The following TSPEAR variants were observed in gnomAD, a reference collection of about 807,000 sequenced individuals.
TSPEAR encodes thrombospondin-type laminin G domain and EAR repeat-containing protein.
In TSPEAR, 69 loss-of-function variants were observed where a neutral mutation model predicts 71.6. The observed-to-expected ratio is 0.96, with a 90% CI of 0.79 to 1.18. The LOEUF (loss-of-function observed/expected upper bound fraction) is 1.18, where lower values mean the gene tolerates loss of function less well. TSPEAR is among the 50% of genes most tolerant of loss of function. TSPEAR has a pLI of 0.00. For synonymous variants in TSPEAR, 402 were observed against 387.2 expected (o/e 1.04, Z -0.45); for missense variants, 971 against 894.9 (o/e 1.09, Z -1.09).
At chr21:44,582,042 G>T (rs980061761) in intron 1 of TSPEAR, among the ~76,000 whole-genome samples, 12 of 152,282 alleles carry the variant, frequency 7.9e-5, no homozygotes, top group Non-Finnish European at 1.6e-4. Context: ...TATTAGTAGA[G>T]GTTGTGCGAG....
intron 1 of TSPEAR, chr21:44,697,943 C>T: frequency 6.2e-7 from 1 of 1,609,006 alleles, no homozygotes; most frequent in East Asian, 2.2e-5. Context: ...CTGCTGAGGC[C>T]TCTGCTCAGG....
At chr21:44,688,501 A>C (rs879981713) in intron 1 of TSPEAR, among the ~76,000 whole-genome samples, 2 of 152,162 alleles carry the variant, frequency 1.3e-5, no homozygotes, top group Non-Finnish European at 2.9e-5. Flanking sequence ...AGGGCAGATC[A>C]TGAGGTCAGG....
chr21:44,593,778 G>T lies in TSPEAR; in HGVS notation c.83-25773C>A, dbSNP rs9983422. ...CTGAGAGGACGGACTCTGCTCTCAC[G>T]CCACAGCTGCTGTTTTTCTACAGTG... is the stretch of plus-strand genomic sequence containing the variant. On this transcript the variant is annotated intron_variant, in intron 1 of 11. Coordinates refer to ENST00000323084, the MANE Select transcript of TSPEAR (RefSeq NM_144991.3). The surrounding 1 kb of genome is among the most constrained non-coding windows in gnomAD (Gnocchi z 5.9). Among the ~76,000 whole-genome samples, 2 of 152,146 alleles carry T rather than the reference G, an allele frequency of 1.3e-5. No individual in the cohort carries two copies. The highest frequency in any genetic ancestry group is 2.9e-5 in the Non-Finnish European group (2 of 68,030).
At chr21:44,689,740 T>TATATATATATATATATA (rs1555949490) in intron 1 of TSPEAR, among the ~76,000 whole-genome samples, 134 of 125,018 alleles carry the variant, frequency 1.1e-3, no homozygotes, top group Middle Eastern at 4.0e-3. Context: ...TATATATATA[T>TATATATATATATATATA]TTTGGGGGGG....
chr21:44,499,716 CAGTT>C lies in TSPEAR; in HGVS notation c.*63_*66del. The C allele has an allele frequency of 1.4e-6, 2 of 1,465,224 alleles. No individual in the cohort carries two copies. The highest frequency in any genetic ancestry group is 2.7e-5 in the South Asian group (2 of 74,660). The allele number at this position is 1,465,224 out of a possible 1,614,324, so 90.8% of individuals were successfully genotyped here. Reference sequence around the variant, plus strand: ...CTGGGCCCACCTGGACGTCCAGGGTCAGTTGGGGGAGGTGCTGGGGTCCCGCCCC... The same window carrying C: ...CTGGGCCCACCTGGACGTCCAGGGTCGGGGGAGGTGCTGGGGTCCCGCCCC... On this transcript the variant is annotated 3_prime_UTR_variant, in exon 12 of 12. Transcript: ENST00000323084.
At position 44,527,382 on chromosome 21, in the gene TSPEAR, G is replaced by A. The variant is rs1285382916; in HGVS notation, c.1059C>T (p.Val353=). ...CGAACTTCTCTTCGGTCCACTTGTAGACGGCGGATGTGGCTTTGCGATTGG... is the reference window on the plus strand; with the variant it reads ...CGAACTTCTCTTCGGTCCACTTGTAAACGGCGGATGTGGCTTTGCGATTGG... ...ATANRKATSA[V]YKWTEEKFVS... Residue 353 remains valine (V), a synonymous_variant, in exon 7 of 12, where the codon GTC becomes GTT. Coordinates refer to ENST00000323084, the MANE Select transcript of TSPEAR (RefSeq NM_144991.3). 5.6e-6 allele frequency: 9 copies of A among 1,614,240 alleles called. No individual in the cohort carries two copies. The highest frequency in any genetic ancestry group is 3.3e-5 in the Admixed American group (2 of 60,036).
intron 2 of TSPEAR, among the ~76,000 whole-genome samples, chr21:44,561,615 C>G (rs903275786): frequency 6.6e-6 from 1 of 152,288 alleles, no homozygotes; most frequent in East Asian, 1.9e-4. Flanking sequence ...AGCAGCATAT[C>G]GAAAAGCTTA....
intron 5 of TSPEAR, 136 bp downstream of exon 5, chr21:44,529,662 G>T (rs1368378977): frequency 1.3e-5 from 13 of 979,484 alleles, no homozygotes; most frequent in Non-Finnish European, 1.8e-5. Flanking sequence ...CAATATGACC[G>T]CTGCCCCCCG....
intron 2 of TSPEAR, chr21:44,551,598 ACT>A: frequency 8.2e-7 from 1 of 1,220,792 alleles, no homozygotes; most frequent in Non-Finnish European, 1.1e-6. Context: ...CCAGCAGGAG[ACT>A]CAGCAACGCC....
chr21:44,506,039 C>T lies in TSPEAR; in HGVS notation c.1755-1158G>A, dbSNP rs922411518. Among the ~76,000 whole-genome samples the T allele has an allele frequency of 7.2e-5, 11 of 152,234 alleles. No homozygotes were observed. The highest frequency in any genetic ancestry group is 2.1e-4 in the South Asian group (1 of 4,832). The stretch of plus-strand genomic sequence containing the variant: ...GTTTCTTCTCTCAGCATTGTGTCTT[C>T]AGCTGTGAGGTCAGCGGCCGTGAGG... On this transcript the variant is annotated intron_variant, in intron 10 of 11. Coordinates refer to ENST00000323084, the MANE Select transcript of TSPEAR (RefSeq NM_144991.3). The surrounding 1 kb of genome is among the most constrained non-coding windows in gnomAD (Gnocchi z 4.2).
At position 44,648,550 on chromosome 21, in the gene TSPEAR, A is replaced by C. The variant is rs376354920; in HGVS notation, c.82+62883T>G. On this transcript the variant is annotated intron_variant, in intron 1 of 11. Coordinates refer to ENST00000323084, the MANE Select transcript of TSPEAR (RefSeq NM_144991.3). Reference sequence around the variant, plus strand: ...GGCCTTCATGGACCTTTCATAGCACAAACAGTTAAAAAAAGAGGGGGAGAT... The same window carrying C: ...GGCCTTCATGGACCTTTCATAGCACCAACAGTTAAAAAAAGAGGGGGAGAT... Among the ~76,000 whole-genome samples the C allele has an allele frequency of 3.9e-5, 6 of 152,332 alleles. No homozygotes were observed. In the South Asian group the frequency reaches 8.3e-4, roughly 21 times the overall value.
intron 1 of TSPEAR, among the ~76,000 whole-genome samples, chr21:44,602,875 C>T (rs1211120): frequency 0.8 from 121,044 of 151,948 alleles, 51,219 homozygotes; most frequent in Non-Finnish European, 0.94. Context: ...CAGTGTCCTC[C>T]CTGTGGGAAA....
At chr21:44,509,074 C>A in intron 10 of TSPEAR, 125 bp downstream of exon 10, 1 of 1,383,756 alleles carries the variant, frequency 7.2e-7, no homozygotes, top group South Asian at 1.3e-5. Context: ...CCATTCTTTC[C>A]ACAGGAAGGT....
intron 1 of TSPEAR, among the ~76,000 whole-genome samples, chr21:44,617,387 G>A (rs990030186): frequency 2.0e-5 from 3 of 152,214 alleles, no homozygotes; most frequent in African/African-American, 4.8e-5. Context: ...ACAGACACAC[G>A]GCCTCTGGAA....
intron 2 of TSPEAR, chr21:44,540,211 TGTGTGTGAGTGACTGA>T (rs2053194604): frequency 1.3e-6 from 2 of 1,580,312 alleles, no homozygotes; most frequent in East Asian, 2.2e-5. Context: ...GGAGTCAGTG[TGTGTGTGAGTGACTGA>T]GTGTGTGAGT....
Position 44,612,898 on chromosome 21 carries a change from G to T in TSPEAR, c.83-44893C>A, listed in dbSNP as rs782257448. 2.5e-6 allele frequency: 4 copies of T among 1,608,164 alleles called. No homozygotes were observed. Among genetic ancestry groups the T allele is most frequent in the Non-Finnish European group, 3.4e-6 (4 of 1,178,326 alleles). ...CCTGCTGAGGCCTCTGCTCAGGCCA[G>T]GAGTCCAGCTGCTGATGGGCACGTC... On this transcript the variant is annotated intron_variant, in intron 1 of 11. Coordinates refer to ENST00000323084, the MANE Select transcript of TSPEAR (RefSeq NM_144991.3). The surrounding 1 kb of genome is among the most constrained non-coding windows in gnomAD (Gnocchi z 4.1).
At chr21:44,537,881 T>C (rs1003216842) in intron 2 of TSPEAR, among the ~76,000 whole-genome samples, 1 of 152,308 alleles carries the variant, frequency 6.6e-6, no homozygotes, top group Middle Eastern at 3.4e-3. Context: ...CGGCCATGCA[T>C]TTAGGCCATA....
intron 1 of TSPEAR, among the ~76,000 whole-genome samples, chr21:44,577,224 T>C (rs1555924093): frequency 6.6e-6 from 1 of 152,210 alleles, no homozygotes; most frequent in East Asian, 1.9e-4. Flanking sequence ...CTTAAGAAGC[T>C]AAAGAAGCAT....
intron 1 of TSPEAR, among the ~76,000 whole-genome samples, chr21:44,685,592 G>A (rs1463404886): frequency 1.3e-5 from 2 of 152,158 alleles, no homozygotes; most frequent in Non-Finnish European, 2.9e-5. Context: ...GGGCACTTCT[G>A]AGGTGTGGTG....
Sources: gnomAD v4.1 joint callset for allele counts (sites outside exome capture counted in the v4.1 genomes callset) on GRCh38, gnomAD v4.1.1 for gene constraint, Gnocchi (gnomAD v3.1) non-coding constraint, MANE v1.5 for transcripts, NCBI Gene and HGNC (gene_info 2026-07-23, HGNC 2026-07-21) for gene names.